Variants in GPC5 observed in about 807,000 individuals in gnomAD.
GPC5 encodes the protein glypican-5.
A neutral mutation model predicts 53.9 loss-of-function variants in GPC5; 47 were observed. The ratio of observed to expected loss-of-function variants is 0.87; its 90% CI spans 0.69 to 1.11. The LOEUF is 1.11. GPC5 is among the 50% of genes most tolerant of loss of function. GPC5 has a pLI of 0.00. For synonymous variants in GPC5, 286 were observed against 263.3 expected, an observed-to-expected ratio of 1.09 and a Z score of -0.84; for missense variants, 748 against 713.1, an observed-to-expected ratio of 1.05 and a Z score of -0.56.
intron 6 of GPC5, among the ~76,000 whole-genome samples, chr13:91,970,209 A>G (rs977444085): frequency 6.6e-6 from 1 of 152,194 alleles, no homozygotes; most frequent in Admixed American, 6.5e-5. Flanking sequence ...TTATATGTGG[A>G]ACCTAAAAAA....
chr13:91,765,930 A>T (rs1163605593), intron 5 of GPC5, among the ~76,000 whole-genome samples: 2 of 152,212 alleles, frequency 1.3e-5, no homozygotes, highest in Non-Finnish European at 2.9e-5. Context: ...AAGCTGTTTG[A>T]TGGGAACGGA....
chr13:92,571,183 G>A (rs1032390989), intron 7 of GPC5, among the ~76,000 whole-genome samples: 5 of 152,134 alleles, frequency 3.3e-5, no homozygotes, highest in African/African-American at 1.2e-4. Flanking sequence ...AAACAGCTGA[G>A]GCAAGGATTC....
chr13:92,138,320 A>G (rs1413160598), intron 6 of GPC5, among the ~76,000 whole-genome samples: 3 of 152,004 alleles, frequency 2.0e-5, no homozygotes, highest in African/African-American at 7.2e-5. Context: ...AGAGATCGAA[A>G]TCATCCTGGC....
chr13:91,664,422 T>C (rs984449004), intron 2 of GPC5, among the ~76,000 whole-genome samples: 5 of 152,242 alleles, frequency 3.3e-5, no homozygotes, highest in Non-Finnish European at 7.3e-5. Flanking sequence ...TTGTCCCTTG[T>C]GTTTTGTCCT....
At chr13:92,486,052 C>A (rs998836886) in intron 7 of GPC5, among the ~76,000 whole-genome samples, 3 of 152,162 alleles carry the variant, frequency 2.0e-5, no homozygotes, top group Non-Finnish European at 4.4e-5. Context: ...GAAAACTTCC[C>A]TTGGAGGTCT....
At chr13:91,658,850 C>T (rs1470612477) in intron 2 of GPC5, among the ~76,000 whole-genome samples, 1 of 152,110 alleles carries the variant, frequency 6.6e-6, no homozygotes. Flanking sequence ...TTGCTGATTC[C>T]TGCCTTCTGC....
chr13:91,597,247 T>C (rs1005353692), intron 2 of GPC5, among the ~76,000 whole-genome samples: 2 of 152,236 alleles, frequency 1.3e-5, no homozygotes, highest in Admixed American at 1.3e-4. Context: ...GTGTCTGTTA[T>C]TCAATCTTGG....
chr13:92,144,194 TAAATG>T (rs1388266647), intron 6 of GPC5, among the ~76,000 whole-genome samples: 1 of 152,192 alleles, frequency 6.6e-6, no homozygotes, highest in Non-Finnish European at 1.5e-5. Context: ...CTCATTAAAA[TAAATG>T]AAATACTTGA....
At chr13:92,743,583 C>G (rs552409546) in intron 7 of GPC5, among the ~76,000 whole-genome samples, 4 of 152,238 alleles carry the variant, frequency 2.6e-5, no homozygotes, top group Admixed American at 1.3e-4. Context: ...TTATTTCTTT[C>G]TCCTGCCTGA....
chr13:92,458,790 T>A (rs977780973), intron 7 of GPC5, among the ~76,000 whole-genome samples: 1 of 152,122 alleles, frequency 6.6e-6, no homozygotes, highest in Non-Finnish European at 1.5e-5. Context: ...CTGGTCAGCA[T>A]GTACATATCC....
chr13:91,474,072 A>G (rs1307108913), intron 2 of GPC5, among the ~76,000 whole-genome samples: 1 of 152,158 alleles, frequency 6.6e-6, no homozygotes, highest in African/African-American at 2.4e-5. Context: ...GGAATGTTGA[A>G]AGCTTTGCTT....
chr13:92,610,886 A>G (rs878926627), intron 7 of GPC5, among the ~76,000 whole-genome samples: 1 of 152,014 alleles, frequency 6.6e-6, no homozygotes, highest in Middle Eastern at 3.5e-3. Flanking sequence ...CCATTGACAC[A>G]TGGGGGAAAA....
intron 6 of GPC5, among the ~76,000 whole-genome samples, chr13:91,944,964 C>G (rs899451801): frequency 3.3e-5 from 5 of 152,156 alleles, no homozygotes; most frequent in African/African-American, 9.7e-5. Context: ...AGTTAGTTGA[C>G]TGTTTTTGAT....
chr13:92,128,187 C>T (rs893202231), intron 6 of GPC5, among the ~76,000 whole-genome samples: 1 of 152,176 alleles, frequency 6.6e-6, no homozygotes, highest in African/African-American at 2.4e-5. Context: ...TCATTCACTC[C>T]TATATGGTTC....
chr13:92,139,219 C>T (rs774854580), intron 6 of GPC5, among the ~76,000 whole-genome samples: 19 of 152,266 alleles, frequency 1.2e-4, no homozygotes, highest in Admixed American at 1.2e-3. Context: ...TAAATGTTTA[C>T]ACTGTCTCTC....
chr13:92,463,434 G>A (rs1878571136), intron 7 of GPC5, among the ~76,000 whole-genome samples: 1 of 152,172 alleles, frequency 6.6e-6, no homozygotes. Context: ...GCTAGCGTTT[G>A]CCAGATGGTT....
intron 7 of GPC5, among the ~76,000 whole-genome samples, chr13:92,767,642 TCTGTTAGTTACA>T (rs1047700805): frequency 3.0e-4 from 46 of 152,330 alleles, no homozygotes; most frequent in African/African-American, 8.2e-4. Flanking sequence ...TCCTGCAGTC[TCTGTTAGTTACA>T]CTGTTAGTTA....
chr13:91,623,985 A>G (rs1323655182), intron 2 of GPC5, among the ~76,000 whole-genome samples: 1 of 152,172 alleles, frequency 6.6e-6, no homozygotes, highest in Non-Finnish European at 1.5e-5. Flanking sequence ...TAAAGGGAGA[A>G]TAAAACAGAA....
intron 2 of GPC5, among the ~76,000 whole-genome samples, chr13:91,484,110 C>T (rs556519995): frequency 6.6e-6 from 1 of 152,108 alleles, no homozygotes; most frequent in Non-Finnish European, 1.5e-5. Context: ...TCTTTTCTAA[C>T]ATGTTTTGAC....
Sources: allele counts gnomAD v4.1 joint callset (sites outside exome capture counted in the v4.1 genomes callset), GRCh38; gene constraint gnomAD v4.1.1; transcripts MANE v1.5; gene names NCBI Gene and HGNC (gene_info 2026-07-23, HGNC 2026-07-21).